The following ITPR2 variants were observed in gnomAD, a reference collection of about 807,000 sequenced individuals.
ITPR2 encodes the protein inositol 1,4,5-trisphosphate-gated calcium channel ITPR2.
In ITPR2, 207 loss-of-function variants were observed where a neutral mutation model predicts 317.1. The observed-to-expected ratio is 0.65, with a 90% confidence interval of 0.58 to 0.73. ITPR2 has a LOEUF of 0.73. Ranked by LOEUF, ITPR2 falls within the 30% of genes least tolerant of loss-of-function variation. The pLI is 0.00. For synonymous variants in ITPR2, 1,156 were observed against 1,149.1 expected, an observed-to-expected ratio of 1.01 and a Z score of -0.12; for missense variants, 2,613 against 3,284.0, an observed-to-expected ratio of 0.80 and a Z score of 4.99.
rs568463176 is a variant in ITPR2, at chr12:26,823,367, A to C, written c.92+9323T>G. The stretch of plus-strand genomic sequence containing the variant: ...ACATTTGCAACACTGAGAGCAAAAA[A>C]AGTGTCAAATGCCTTGATGTCTCCC... On this transcript the variant is annotated intron_variant, in intron 1 of 56. Transcript: ENST00000381340. 2.8e-4 allele frequency among the ~76,000 whole-genome samples: 42 copies of C among 152,320 alleles called. 1 individual carries two copies. The South Asian group carries it at 8.7e-3, about 32-fold the overall frequency.
chr12:26,616,750 T>A (rs1192443100), intron 26 of ITPR2, among the ~76,000 whole-genome samples: 5 of 152,174 alleles, frequency 3.3e-5, no homozygotes, highest in Non-Finnish European at 7.3e-5. Flanking sequence ...GAATTTGAAC[T>A]GTGCAGGTCC....
At chr12:26,801,002 TG>T in intron 1 of ITPR2, 1 of 175,724 alleles carries the variant, frequency 5.7e-6, no homozygotes, top group Non-Finnish European at 1.2e-5. Flanking sequence ...CCACACTGCC[TG>T]GGGGTGGCCC....
At chr12:26,556,137 G>A (rs534660057) in intron 36 of ITPR2, 96 bp downstream of exon 36, 15 of 1,160,554 alleles carry the variant, frequency 1.3e-5, no homozygotes, top group South Asian at 9.5e-5. Flanking sequence ...CATACTTTGC[G>A]GACTGTCATT....
intron 26 of ITPR2, among the ~76,000 whole-genome samples, chr12:26,612,292 G>T (rs1421559094): frequency 1.3e-5 from 2 of 152,132 alleles, no homozygotes; most frequent in Admixed American, 1.3e-4. Context: ...CTGGTCTTCT[G>T]ATATCTAAGC....
At chr12:26,497,914 T>C (rs968071329) in intron 37 of ITPR2, among the ~76,000 whole-genome samples, 5 of 152,060 alleles carry the variant, frequency 3.3e-5, no homozygotes, top group African/African-American at 9.7e-5. Flanking sequence ...TTTGTATTTT[T>C]AGTACAGACT....
intron 32 of ITPR2, among the ~76,000 whole-genome samples, chr12:26,594,561 C>T (rs9668899): frequency 0.21 from 31,171 of 151,984 alleles, 3,346 homozygotes; most frequent in South Asian, 0.26. Flanking sequence ...GCTACTAGCA[C>T]TCAGGAATGT....
At position 26,339,404 on chromosome 12, in the gene ITPR2, G is replaced by A. The variant is rs912400755; in HGVS notation, c.8099C>T (p.Pro2700Leu). ...NTPHVNHHMP[P>L]H ...CGGCTTCCCCCCATGGTATCAGTGTGGTGGCATGTGATGATTCACATGGGG... is the reference window on the plus strand; with the variant it reads ...CGGCTTCCCCCCATGGTATCAGTGTAGTGGCATGTGATGATTCACATGGGG... Residue 2700 changes from proline to leucine, a missense_variant, in exon 57 of 57, where the codon CCA (proline) becomes CTA (leucine). Coordinates refer to ENST00000381340, the MANE Select transcript of ITPR2 (RefSeq NM_002223.4). 1.2e-6 allele frequency: 2 copies of A among 1,612,778 alleles called. No individual in the cohort carries two copies. Among genetic ancestry groups the A allele is most frequent in the Admixed American group, 1.7e-5 (1 of 59,978 alleles).
At chr12:26,784,803 A>G (rs1338245148) in intron 2 of ITPR2, among the ~76,000 whole-genome samples, 3 of 122,282 alleles carry the variant, frequency 2.5e-5, no homozygotes, top group Non-Finnish European at 5.1e-5. Context: ...CTGGCCCCCC[A>G]TCGTCTGGGA....
intron 51 of ITPR2, among the ~76,000 whole-genome samples, chr12:26,414,343 T>C (rs1228815287): frequency 6.6e-6 from 1 of 152,140 alleles, no homozygotes; most frequent in Non-Finnish European, 1.5e-5. Flanking sequence ...ATATCGTCAA[T>C]TTAGTAATTA....
intron 52 of ITPR2, 146 bp from the exon 53 acceptor site, chr12:26,400,404 AT>A (rs1366261461): frequency 3.0e-6 from 1 of 334,028 alleles, no homozygotes; most frequent in Non-Finnish European, 5.2e-6. Context: ...TATACATACA[AT>A]AAATAAATAT....
At chr12:26,628,588 G>C (rs2136825404) in intron 22 of ITPR2, among the ~76,000 whole-genome samples, 1 of 152,306 alleles carries the variant, frequency 6.6e-6, no homozygotes, top group Non-Finnish European at 1.5e-5. Context: ...ACTATACCAT[G>C]ATCAGTCCTA....
At chr12:26,707,820 G>A (rs1160120995) in intron 9 of ITPR2, among the ~76,000 whole-genome samples, 5 of 151,964 alleles carry the variant, frequency 3.3e-5, no homozygotes, top group East Asian at 3.8e-4. Flanking sequence ...GTGAGCCACC[G>A]CGCCTGGCCA....
At chr12:26,397,948 A>T (rs1265638333) in intron 54 of ITPR2, among the ~76,000 whole-genome samples, 1 of 151,888 alleles carries the variant, frequency 6.6e-6, no homozygotes, top group East Asian at 1.9e-4. Flanking sequence ...GAAAGAGGTG[A>T]TGGGTACAGA....
intron 2 of ITPR2, among the ~76,000 whole-genome samples, chr12:26,775,959 T>TATATATATATATATATACA (rs1263788006): frequency 6.9e-6 from 1 of 145,172 alleles, no homozygotes; most frequent in Non-Finnish European, 1.5e-5. Context: ...TATATGTATA[T>TATATATATATATATATACA]CCTATTAGTT....
At chr12:26,353,082 C>A (rs1255127725) in intron 55 of ITPR2, among the ~76,000 whole-genome samples, 1 of 152,128 alleles carries the variant, frequency 6.6e-6, no homozygotes, top group East Asian at 1.9e-4. Flanking sequence ...CCCAAAGTTA[C>A]ACATCAGAAG....
chr12:26,820,970 T>C (rs1010107926), intron 1 of ITPR2, among the ~76,000 whole-genome samples: 11 of 152,128 alleles, frequency 7.2e-5, no homozygotes, highest in African/African-American at 2.7e-4. Context: ...TACCAGGGGC[T>C]GGGGTAAGGA....
intron 53 of ITPR2, among the ~76,000 whole-genome samples, chr12:26,399,891 T>C (rs1184346092): frequency 6.6e-6 from 1 of 152,214 alleles, no homozygotes; most frequent in East Asian, 1.9e-4. Context: ...ATTGCTGTAA[T>C]ACAATACACA....
chr12:26,338,967 T>A lies in ITPR2; in HGVS notation c.*430A>T, dbSNP rs562042607. On this transcript the variant is annotated 3_prime_UTR_variant, in exon 57 of 57. Coordinates refer to ENST00000381340, the MANE Select transcript of ITPR2 (RefSeq NM_002223.4). The stretch of plus-strand genomic sequence containing the variant: ...AAAACTTAGCCACCAAAGTATGACT[T>A]CTTGTGTCACAAACCTATATGCCAC... 94 of 153,982 alleles carry A rather than the reference T, an allele frequency of 6.1e-4. No individual in the cohort carries two copies. Among genetic ancestry groups the A allele is most frequent in the African/African-American group, 2.2e-3 (92 of 41,656 alleles). The allele number at this position is 153,982 out of a possible 1,614,324, so 9.5% of individuals were successfully genotyped here. A position where few individuals can be genotyped will look rare whatever the true frequency, so the allele number is the denominator to read the frequency against.
Position 26,562,718 on chromosome 12 carries a change from A to G in ITPR2, c.4631-766T>C, listed in dbSNP as rs1474448331. Among the ~76,000 whole-genome samples the G allele has an allele frequency of 1.8e-4, 27 of 150,254 alleles. 1 individual carries two copies. The highest frequency in any genetic ancestry group is 1.8e-3 in the Admixed American group (27 of 15,140). Reference sequence around the variant, plus strand: ...ATTAAAGAATAACAGCTGAACAATGAGAACACTTGGACACAGGAAGGGGAA... The same window carrying G: ...ATTAAAGAATAACAGCTGAACAATGGGAACACTTGGACACAGGAAGGGGAA... On this transcript the variant is annotated intron_variant, in intron 34 of 56. Transcript: ENST00000381340.
Sources: gnomAD v4.1 joint callset for allele counts (sites outside exome capture counted in the v4.1 genomes callset) on GRCh38, gnomAD v4.1.1 for gene constraint, MANE v1.5 for transcripts, NCBI Gene and HGNC (gene_info 2026-07-23, HGNC 2026-07-21) for gene names.